The following SLC10A2 variants were observed in gnomAD, a reference collection of about 807,000 sequenced individuals.
The protein encoded by SLC10A2 is ileal sodium/bile acid cotransporter.
A neutral mutation model predicts 27.1 loss-of-function variants in SLC10A2; 34 were observed. The observed-to-expected ratio is 1.26, with a 90% CI of 0.96 to 1.67. The LOEUF (loss-of-function observed/expected upper bound fraction) is 1.67, where lower values mean the gene tolerates loss of function less well. SLC10A2 is among the 40% of genes most tolerant of loss of function. The pLI is 0.00. For synonymous variants in SLC10A2, 205 were observed against 174.0 expected, an observed-to-expected ratio of 1.18 and a Z score of -1.40; for missense variants, 530 against 444.4, an observed-to-expected ratio of 1.19 and a Z score of -1.73.
rs887800988 is a variant in SLC10A2, at chr13:103,045,707, T to C, written c.*426A>G. 1 of 156,382 alleles carries C rather than the reference T, an allele frequency of 6.4e-6. No homozygotes were observed. The highest frequency in any genetic ancestry group is 1.4e-5 in the Non-Finnish European group (1 of 70,542). The allele number at this position is 156,382 out of a possible 1,614,324, so 9.7% of individuals were successfully genotyped here. A position where few individuals can be genotyped will look rare whatever the true frequency, so the allele number is the denominator to read the frequency against. ...TTATAATCATAAACACTGAAGAAAATCGTGACCACTGTAATAATAATAATT... is the reference window on the plus strand; with the variant it reads ...TTATAATCATAAACACTGAAGAAAACCGTGACCACTGTAATAATAATAATT... On this transcript the variant is annotated 3_prime_UTR_variant, in exon 6 of 6. Transcript: ENST00000245312.
chr13:103,052,782 G>T (rs67736127), intron 2 of SLC10A2, 74 bp from the exon 3 acceptor site: 17,912 of 926,222 alleles, frequency 0.019, 262 homozygotes, highest in African/African-American at 0.038. Flanking sequence ...AGAACAAGCA[G>T]CCTGAAGAAA....
chr13:103,066,190 C>T lies in SLC10A2; in HGVS notation c.60G>A (p.Val20=). The T allele has an allele frequency of 6.2e-7, 1 of 1,614,078 alleles. No individual in the cohort carries two copies. Residue 20 remains valine, a synonymous_variant, in exon 1 of 6, where the codon GTG becomes GTA. Coordinates refer to ENST00000245312, the MANE Select transcript of SLC10A2 (RefSeq NM_000452.3). Reference sequence around the variant, plus strand: ...TGTTATTGAAATTGCTCTCAGGTACCACACAGGATGCACCAGAGCAAACTG... The same window carrying T: ...TGTTATTGAAATTGCTCTCAGGTACTACACAGGATGCACCAGAGCAAACTG... ...NATVCSGASC[V]VPESNFNNIL...
In SLC10A2 at chr13:103,064,442, GT is replaced by G. The variant is rs377280177; in HGVS notation, c.377+1430del. ...AACCTAATAGTCCAGTACCACACACGTTTTTTTTCTGTCTTATAAAAGGGTT... is the reference window on the plus strand; with the variant it reads ...AACCTAATAGTCCAGTACCACACACGTTTTTTTCTGTCTTATAAAAGGGTT... On this transcript the variant is annotated intron_variant, in intron 1 of 5. Transcript: ENST00000245312. 1.7e-3 allele frequency among the ~76,000 whole-genome samples: 260 copies of G among 151,932 alleles called. 6 individuals are homozygous for G. The East Asian group carries it at 0.044, about 26-fold the overall frequency.
intron 4 of SLC10A2, 66 bp from the exon 5 acceptor site, chr13:103,049,512 TATA>T: frequency 1.3e-6 from 2 of 1,522,038 alleles, no homozygotes; most frequent in Non-Finnish European, 1.8e-6. Flanking sequence ...GAAAAGCAGA[TATA>T]ATAATAAGTA....
intron 4 of SLC10A2, among the ~76,000 whole-genome samples, chr13:103,049,824 C>T (rs9514086): frequency 0.077 from 11,705 of 152,034 alleles, 656 homozygotes; most frequent in African/African-American, 0.15. Context: ...TATTTGTTGT[C>T]GCTGTTTTAT....
chr13:103,066,314 T>A lies in SLC10A2; in HGVS notation c.-65A>T. On this transcript the variant is annotated 5_prime_UTR_variant, in exon 1 of 6. Transcript: ENST00000245312. ...GCTGGTCCCTGGGCCCTGGCTCTGC[T>A]GCTGGTTGAGTTAAGCAACGTTTAC... The A allele has an allele frequency of 5.9e-6, 9 of 1,518,874 alleles. No individual in the cohort carries two copies. The highest frequency in any genetic ancestry group is 7.0e-6 in the Non-Finnish European group (8 of 1,137,404). The allele number at this position is 1,518,874 out of a possible 1,614,324, so 94.1% of individuals were successfully genotyped here.
At chr13:103,049,199 C>T (rs1875695119) in intron 5 of SLC10A2, 90 bp downstream of exon 5, 1 of 1,367,658 alleles carries the variant, frequency 7.3e-7, no homozygotes, top group East Asian at 2.3e-5. Flanking sequence ...AATTCACCAC[C>T]AGGAACGGGG....
chr13:103,052,574 T>G, intron 3 of SLC10A2, 46 bp downstream of exon 3: 2 of 1,311,832 alleles, frequency 1.5e-6, no homozygotes, highest in Non-Finnish European at 2.2e-6. Context: ...CCTATGGTTT[T>G]GATTGTCACA....
rs1595435867 is a variant in SLC10A2 at position 103,044,772 on chromosome 13, A to G, written c.*1361T>C. ...ACCCAATGCAAAATGGAACAAAACC[A>G]CTAAGGACCGAGTGGTTAAGATTGT... is the stretch of plus-strand genomic sequence containing the variant. On this transcript the variant is annotated 3_prime_UTR_variant, in exon 6 of 6. Transcript: ENST00000245312. 6.6e-6 allele frequency: 1 copy of G among 152,314 alleles called. No individual in the cohort carries two copies. The highest frequency in any genetic ancestry group is 1.9e-4 in the East Asian group (1 of 5,182). The allele number at this position is 152,314 out of a possible 1,614,324, so 9.4% of individuals were successfully genotyped here.
chr13:103,056,307 C>T (rs1194864523), intron 2 of SLC10A2, among the ~76,000 whole-genome samples: 1 of 152,044 alleles, frequency 6.6e-6, no homozygotes, highest in Non-Finnish European at 1.5e-5. Context: ...CTCTCTTTTT[C>T]CGTTTTCTTT....
chr13:103,045,355 G>C lies in SLC10A2; in HGVS notation c.*778C>G, dbSNP rs201558753. On this transcript the variant is annotated 3_prime_UTR_variant, in exon 6 of 6. Coordinates refer to ENST00000245312, the MANE Select transcript of SLC10A2 (RefSeq NM_000452.3). ...AGGAAGTCCCTCTCCCAGATTTGAA[G>C]AGCTCTTTGCCAAATACACACCGTT... 1.4e-4 allele frequency: 22 copies of C among 152,238 alleles called. No individual in the cohort carries two copies. The highest frequency in any genetic ancestry group is 5.3e-4 in the African/African-American group (22 of 41,430). The allele number at this position is 152,238 out of a possible 1,614,324, so 9.4% of individuals were successfully genotyped here.
chr13:103,062,228 T>C (rs1170605860), intron 1 of SLC10A2, among the ~76,000 whole-genome samples: 1 of 152,164 alleles, frequency 6.6e-6, no homozygotes, highest in Non-Finnish European at 1.5e-5. Context: ...TGCTAGAAAC[T>C]GGAGAAGTGA....
At chr13:103,052,508 C>A (rs1756411793) in intron 3 of SLC10A2, 112 bp downstream of exon 3, 1 of 798,184 alleles carries the variant, frequency 1.3e-6, no homozygotes, top group Non-Finnish European at 2.2e-6. Flanking sequence ...TGACTTCAGG[C>A]CCCCACTCAA....
chr13:103,045,455 A>T lies in SLC10A2; in HGVS notation c.*678T>A, dbSNP rs1039917539. 2.0e-5 allele frequency: 3 copies of T among 152,346 alleles called. No individual in the cohort carries two copies. The highest frequency in any genetic ancestry group is 7.2e-5 in the African/African-American group (3 of 41,456). 9.4% of individuals were successfully genotyped at this position (152,346 alleles called of 1,614,324 possible). A position where few individuals can be genotyped will look rare whatever the true frequency, so the allele number is the denominator to read the frequency against. The stretch of plus-strand genomic sequence containing the variant: ...CCTGAGGTAGAGCAATAGATGTACG[A>T]TATCCCTGCTGAGTTAAGAGCCTGC... On this transcript the variant is annotated 3_prime_UTR_variant, in exon 6 of 6. Transcript: ENST00000245312.
Position 103,045,823 on chromosome 13 carries a change from T to C in SLC10A2, c.*310A>G. 4.6e-6 allele frequency: 1 copy of C among 218,318 alleles called. No homozygotes were observed. The highest frequency in any genetic ancestry group is 9.2e-6 in the Non-Finnish European group (1 of 108,678). The allele number at this position is 218,318 out of a possible 1,614,324, so 13.5% of individuals were successfully genotyped here. On this transcript the variant is annotated 3_prime_UTR_variant, in exon 6 of 6. Coordinates refer to ENST00000245312, the MANE Select transcript of SLC10A2 (RefSeq NM_000452.3). ...GAATTCAGTTTTGGTGTTAAAGATG[T>C]TTTCATTCTCGGTGTTCCCTATGTC...
intron 5 of SLC10A2, 81 bp downstream of exon 5, chr13:103,049,208 G>A: frequency 2.1e-6 from 3 of 1,442,034 alleles, no homozygotes; most frequent in Non-Finnish European, 2.9e-6. Context: ...CCAGGAACGG[G>A]GAGTTTTAAA....
At position 103,045,992 on chromosome 13, in the gene SLC10A2, G is replaced by T; in HGVS notation, c.*141C>A. 1 of 968,306 alleles carries T rather than the reference G, an allele frequency of 1.0e-6. No individual in the cohort carries two copies. Among genetic ancestry groups the T allele is most frequent in the Non-Finnish European group, 1.6e-6 (1 of 630,970 alleles). The allele number at this position is 968,306 out of a possible 1,614,324, so 60.0% of individuals were successfully genotyped here. On this transcript the variant is annotated 3_prime_UTR_variant, in exon 6 of 6. Coordinates refer to ENST00000245312, the MANE Select transcript of SLC10A2 (RefSeq NM_000452.3). The stretch of plus-strand genomic sequence containing the variant: ...ATTGGGCCACCAGTCACTTGGTACT[G>T]AAACCAATACATGAATTCCAATGAA...
intron 1 of SLC10A2, among the ~76,000 whole-genome samples, chr13:103,060,693 T>A (rs1346618579): frequency 6.6e-6 from 1 of 152,138 alleles, no homozygotes; most frequent in Non-Finnish European, 1.5e-5. Flanking sequence ...GCTGTGATCA[T>A]TTATGTTACC....
chr13:103,050,652 T>C (rs1875750430), intron 4 of SLC10A2, among the ~76,000 whole-genome samples: 1 of 152,094 alleles, frequency 6.6e-6, no homozygotes, highest in African/African-American at 2.4e-5. Context: ...CCAGAAGACT[T>C]TGAGCAAAAA....
Sources: gnomAD v4.1 joint callset for allele counts (sites outside exome capture counted in the v4.1 genomes callset) on GRCh38, gnomAD v4.1.1 for gene constraint, MANE v1.5 for transcripts, NCBI Gene and HGNC (gene_info 2026-07-23, HGNC 2026-07-21) for gene names.